The following KLHL26 variants were observed in gnomAD, a reference collection of about 807,000 sequenced individuals.
KLHL26 encodes the protein kelch-like protein 26.
In KLHL26, 4 loss-of-function variants were observed where a neutral mutation model predicts 7.1. That is an observed-to-expected ratio of 0.56 (90% CI 0.28 to 1.28). The LOEUF (loss-of-function observed/expected upper bound fraction) is 1.28, where lower values mean the gene tolerates loss of function less well. KLHL26 is among the 50% of genes most tolerant of loss of function. The pLI, the probability that KLHL26 is intolerant of heterozygous loss-of-function variation, is 0.11. For synonymous variants in KLHL26, 465 were observed against 414.1 expected (o/e 1.12, Z -1.49); for missense variants, 896 against 924.6 (o/e 0.97, Z 0.40).
In KLHL26 at chr19:18,667,954, C is replaced by G. The variant is rs754168932; in HGVS notation, c.557C>G (p.Ala186Gly). 6.2e-6 allele frequency: 10 copies of G among 1,609,390 alleles called. No individual in the cohort carries two copies. The highest frequency in any genetic ancestry group is 8.5e-6 in the Non-Finnish European group (10 of 1,179,968). ...GCCTCGCTGCGAGAGTCGGTGGATGCCTTCACCTTCCGGCACTTCCTGCAG... is the reference window on the plus strand; with the variant it reads ...GCCTCGCTGCGAGAGTCGGTGGATGGCTTCACCTTCCGGCACTTCCTGCAG... ...SLASLRESVD[A>G]FTFRHFLQIA... The change falls in exon 3 of 3, where the codon GCC becomes GGC. Residue 186 changes from alanine (A) to glycine (G), a missense_variant. By Grantham distance (60) the Ala-to-Gly change is moderately conservative (BLOSUM62 0). Coordinates refer to ENST00000300976, the MANE Select transcript of KLHL26 (RefSeq NM_018316.3).
chr19:18,660,256 T>C (rs2145400944), intron 1 of KLHL26, among the ~76,000 whole-genome samples: 1 of 152,240 alleles, frequency 6.6e-6, no homozygotes, highest in African/African-American at 2.4e-5. Context: ...ATGACATTGC[T>C]GGGGGGATAC....
chr19:18,667,913 C>T lies in KLHL26; in HGVS notation c.516C>T (p.Ala172=), dbSNP rs1277963705. The change falls in exon 3 of 3, where the codon GCC becomes GCT. Residue 172 remains alanine (A), a synonymous_variant. Coordinates refer to ENST00000300976, the MANE Select transcript of KLHL26 (RefSeq NM_018316.3). ...CCTGCCTCAACATCGGCCAGATGGC[C>T]ACCACCTTCAGCCTGGCCTCGCTGC... ...VETCLNIGQM[A]TTFSLASLRE... 4 of 1,611,982 alleles carry T rather than the reference C, an allele frequency of 2.5e-6. No homozygotes were observed. Among genetic ancestry groups the T allele is most frequent in the East Asian group, 4.5e-5 (2 of 44,896 alleles).
rs941693043 is a variant in KLHL26 at position 18,668,335 on chromosome 19, C to T, written c.938C>T (p.Thr313Ile). The change falls in exon 3 of 3, where the codon ACC (threonine) becomes ATC (isoleucine). Residue 313 changes from threonine (T) to isoleucine (I), a missense_variant. Physicochemically the swap from Thr to Ile is moderately conservative, Grantham distance 89. Transcript: ENST00000300976. ...AVRSDVPSLV[T>I]FGGTPYTDSD... ...CGCTCGGATGTGCCCTCGCTCGTCA[C>T]CTTCGGCGGCACGCCCTACACCGAC... 6.2e-7 allele frequency: 1 copy of T among 1,608,990 alleles called. No homozygotes were observed. Among genetic ancestry groups the T allele is most frequent in the African/African-American group, 1.3e-5 (1 of 74,920 alleles).
In KLHL26 at chr19:18,667,778, A is replaced by G. The variant is rs766095709; in HGVS notation, c.381A>G (p.Thr127=). The G allele has an allele frequency of 6.2e-7, 1 of 1,613,294 alleles. No homozygotes were observed. Among genetic ancestry groups the G allele is most frequent in the African/African-American group, 1.3e-5 (1 of 74,944 alleles). The change falls in exon 3 of 3, where the codon ACA becomes ACG. Residue 127 remains threonine (T), a synonymous_variant. Coordinates refer to ENST00000300976, the MANE Select transcript of KLHL26 (RefSeq NM_018316.3). ...ACTTCGCCTACAGCGCCGAGGTGACACTGGACCTGGACTGCGTGCAGGACG... is the reference window on the plus strand; with the variant it reads ...ACTTCGCCTACAGCGCCGAGGTGACGCTGGACCTGGACTGCGTGCAGGACG... ...IIDFAYSAEV[T]LDLDCVQDVL...
At chr19:18,662,861 G>A (rs985479926) in intron 1 of KLHL26, among the ~76,000 whole-genome samples, 4 of 152,092 alleles carry the variant, frequency 2.6e-5, no homozygotes, top group Admixed American at 6.5e-5. Context: ...GGGAGGGGAG[G>A]AAGGGAGGAG....
At chr19:18,663,494 G>T (rs1216494404) in intron 1 of KLHL26, among the ~76,000 whole-genome samples, 3 of 152,210 alleles carry the variant, frequency 2.0e-5, no homozygotes, top group African/African-American at 7.2e-5. Context: ...TTCTTGGAAA[G>T]ATCAGTGCCC....
Position 18,668,794 on chromosome 19 carries a change from G to T in KLHL26, c.1397G>T (p.Gly466Val). The T allele has an allele frequency of 6.3e-7, 1 of 1,595,972 alleles. No homozygotes were observed. Among genetic ancestry groups the T allele is most frequent in the Non-Finnish European group, 8.5e-7 (1 of 1,178,020 alleles). The change falls in exon 3 of 3, where the codon GGT becomes GTT. Residue 466 changes from glycine to valine, a missense_variant. Gly to Val is a moderately radical substitution (Grantham distance 109, BLOSUM62 -3). Transcript: ENST00000300976. ...AASGGRLYIS[G>V]GYGISVEDKK... is the part of the protein sequence containing the mutation. ...TCAGGGGGCCGCCTCTACATCTCGG[G>T]TGGCTACGGGATCTCAGTGGAGGAC... is the stretch of plus-strand genomic sequence containing the variant.
chr19:18,657,086 T>C (rs2052342082), intron 1 of KLHL26, among the ~76,000 whole-genome samples: 1 of 151,716 alleles, frequency 6.6e-6, no homozygotes, highest in African/African-American at 2.4e-5. Flanking sequence ...CCTCTGTCTC[T>C]GGATCTCTGT....
At chr19:18,637,412 C>T (rs914425837) in intron 1 of KLHL26, among the ~76,000 whole-genome samples, 2 of 151,932 alleles carry the variant, frequency 1.3e-5, no homozygotes, top group African/African-American at 4.8e-5. Flanking sequence ...AACCGAGGGG[C>T]TCTTGACTGT....
Position 18,650,754 on chromosome 19 carries a change from C to T in KLHL26, c.84-13507C>T, listed in dbSNP as rs548092621. Reference sequence around the variant, plus strand: ...TGAACTTTCGCATTGGTCAGGGGCGCGGGCAGCTTGCTGACCTTTTCTGGG... The same window carrying T: ...TGAACTTTCGCATTGGTCAGGGGCGTGGGCAGCTTGCTGACCTTTTCTGGG... On this transcript the variant is annotated intron_variant, in intron 1 of 2. Coordinates refer to ENST00000300976, the MANE Select transcript of KLHL26 (RefSeq NM_018316.3). This position sits in a 1 kb window ranked among gnomAD's most constrained non-coding sequence, Gnocchi z 4.2. Among the ~76,000 whole-genome samples, 10 of 152,224 alleles carry T rather than the reference C, an allele frequency of 6.6e-5. No homozygotes were observed. Among genetic ancestry groups the T allele is most frequent in the Non-Finnish European group, 1.3e-4 (9 of 68,040 alleles).
intron 2 of KLHL26, 104 bp from the exon 3 acceptor site, chr19:18,667,560 G>T: frequency 6.6e-7 from 1 of 1,506,712 alleles, no homozygotes; most frequent in Admixed American, 2.2e-5. Flanking sequence ...GCTGTGCCCT[G>T]TGTTCTGTGT....
chr19:18,644,942 CGTT>C (rs1976775820), intron 1 of KLHL26, among the ~76,000 whole-genome samples: 1 of 152,084 alleles, frequency 6.6e-6, no homozygotes, highest in Admixed American at 6.6e-5. Flanking sequence ...CCGCCCCCAA[CGTT>C]ATATAACTTG....
intron 1 of KLHL26, among the ~76,000 whole-genome samples, chr19:18,645,572 G>A (rs1976787386): frequency 6.6e-6 from 1 of 152,108 alleles, no homozygotes; most frequent in South Asian, 2.1e-4. Flanking sequence ...CCAGCACTTT[G>A]GGAGCCCAAG....
chr19:18,668,173 C>A lies in KLHL26; in HGVS notation c.776C>A (p.Ser259Tyr). 1 of 1,610,168 alleles carries A rather than the reference C, an allele frequency of 6.2e-7. No individual in the cohort carries two copies. The highest frequency in any genetic ancestry group is 8.5e-7 in the Non-Finnish European group (1 of 1,179,752). The change falls in exon 3 of 3, where the codon TCC becomes TAC. Residue 259 changes from serine to tyrosine, a missense_variant. Transcript: ENST00000300976. ...ATTCGCTTCCCGCTCATGCAGTCGT[C>A]CGAGCTGGTGGACAGCGTGCAGACG... ...CHIRFPLMQS[S>Y]ELVDSVQTLD...
intron 1 of KLHL26, among the ~76,000 whole-genome samples, chr19:18,659,322 C>T (rs1192060119): frequency 6.6e-6 from 1 of 152,232 alleles, no homozygotes; most frequent in Non-Finnish European, 1.5e-5. Flanking sequence ...CCCTGACATC[C>T]CCTGCTGTCC....
rs770378228 is a variant in KLHL26, at chr19:18,669,268, G to C, written c.*23G>C. 6.3e-7 allele frequency: 1 copy of C among 1,575,388 alleles called. No homozygotes were observed. Among genetic ancestry groups the C allele is most frequent in the Non-Finnish European group, 8.6e-7 (1 of 1,158,480 alleles). On this transcript the variant is annotated 3_prime_UTR_variant, in exon 3 of 3. Coordinates refer to ENST00000300976, the MANE Select transcript of KLHL26 (RefSeq NM_018316.3). ...TAGCCCCCAAGACCCCCGGGACCCT[G>C]GCCTGACCGCATGTTGTCTCCAAGT...
chr19:18,648,389 C>A lies in KLHL26; in HGVS notation c.83+11252C>A, dbSNP rs1372993378. Among the ~76,000 whole-genome samples, 1 of 152,130 alleles carries A rather than the reference C, an allele frequency of 6.6e-6. No individual in the cohort carries two copies. The highest frequency in any genetic ancestry group is 1.5e-5 in the Non-Finnish European group (1 of 68,022). ...GATCCCTCTGGCAAGAGACAAGGGA[C>A]CCTCGGCCAAGGTGGGCCCTGGAGG... is the stretch of plus-strand genomic sequence containing the variant. On this transcript the variant is annotated intron_variant, in intron 1 of 2. Transcript: ENST00000300976. The surrounding 1 kb of genome is among the most constrained non-coding windows in gnomAD (Gnocchi z 4.9).
rs535032048 is a variant in KLHL26, at chr19:18,662,354, C to T, written c.84-1907C>T. Among the ~76,000 whole-genome samples the T allele has an allele frequency of 5.9e-5, 9 of 152,352 alleles. No individual in the cohort carries two copies. The South Asian group carries it at 1.9e-3, about 32-fold the overall frequency. On this transcript the variant is annotated intron_variant, in intron 1 of 2. Coordinates refer to ENST00000300976, the MANE Select transcript of KLHL26 (RefSeq NM_018316.3). Reference sequence around the variant, plus strand: ...AAAGGCCGGCAGGGGTCACCCAGAGCCCGAATGCACAACCCTTGCCACAGC... The same window carrying T: ...AAAGGCCGGCAGGGGTCACCCAGAGTCCGAATGCACAACCCTTGCCACAGC...
chr19:18,667,436 T>G (rs1228908429), intron 2 of KLHL26: 3 of 626,818 alleles, frequency 4.8e-6, no homozygotes, highest in Non-Finnish European at 8.2e-6. Context: ...GATCTCCTGA[T>G]CTCATGATCC....
Sources: gnomAD v4.1 joint callset for allele counts (sites outside exome capture counted in the v4.1 genomes callset) on GRCh38, gnomAD v4.1.1 for gene constraint, Gnocchi (gnomAD v3.1) non-coding constraint, MANE v1.5 for transcripts, NCBI Gene and HGNC (gene_info 2026-07-23, HGNC 2026-07-21) for gene names.